The following TLL2 variants were observed in gnomAD, a reference collection of about 807,000 sequenced individuals.
TLL2 encodes tolloid like 2, also known as tolloid-like protein 2.
In TLL2, 106 loss-of-function variants were observed where a neutral mutation model predicts 123.0. That is an observed-to-expected ratio of 0.86 (90% CI 0.74 to 1.01). The LOEUF (loss-of-function observed/expected upper bound fraction) is 1.01, where lower values mean the gene tolerates loss of function less well. Ranked by LOEUF, TLL2 falls within the 50% of genes least tolerant of loss-of-function variation. The pLI is 0.00. For missense variants in TLL2, 1,332 were observed against 1,336.7 expected (o/e 1.00, Z 0.06); for synonymous variants, 494 against 516.8 (o/e 0.96, Z 0.60).
intron 15 of TLL2, 82 bp from the exon 16 acceptor site, chr10:96,384,849 G>A: frequency 7.3e-7 from 1 of 1,375,228 alleles, no homozygotes; most frequent in Admixed American, 2.5e-5. Context: ...CCTGCTTCCT[G>A]AGCGCCTCAC....
At chr10:96,495,910 T>C (rs566991791) in intron 1 of TLL2, among the ~76,000 whole-genome samples, 1 of 152,254 alleles carries the variant, frequency 6.6e-6, no homozygotes, top group South Asian at 2.1e-4. Flanking sequence ...AATGTTTTAA[T>C]GGGATCAAAC....
intron 10 of TLL2, 120 bp downstream of exon 10, chr10:96,405,112 A>G (rs987972449): frequency 1.1e-6 from 1 of 873,680 alleles, no homozygotes; most frequent in Non-Finnish European, 1.9e-6. Context: ...AGAGTTTTAC[A>G]ATGACAGAGG....
intron 3 of TLL2, among the ~76,000 whole-genome samples, chr10:96,434,429 G>A (rs1013163772): frequency 6.6e-6 from 1 of 152,102 alleles, no homozygotes; most frequent in Non-Finnish European, 1.5e-5. Context: ...ACATTTCCTA[G>A]AGATGGAATC....
intron 13 of TLL2, among the ~76,000 whole-genome samples, chr10:96,388,317 C>G (rs1471933932): frequency 6.6e-6 from 1 of 152,134 alleles, no homozygotes; most frequent in Non-Finnish European, 1.5e-5. Context: ...AGGAGAATCG[C>G]TTGCACCTGG....
rs939532446 is a variant in TLL2, at chr10:96,455,881, T to C, written c.287-9713A>G. Among the ~76,000 whole-genome samples the C allele has an allele frequency of 2.6e-5, 4 of 152,236 alleles. No individual in the cohort carries two copies. The South Asian group carries it at 8.3e-4, about 31-fold the overall frequency. On this transcript the variant is annotated intron_variant, in intron 2 of 20. Coordinates refer to ENST00000357947, the MANE Select transcript of TLL2 (RefSeq NM_012465.4). Reference sequence around the variant, plus strand: ...TTGTGCAAGATCCAAGAACCCTCTCTTGGGGTCTGGATCGGCACCCCTTTC... The same window carrying C: ...TTGTGCAAGATCCAAGAACCCTCTCCTGGGGTCTGGATCGGCACCCCTTTC...
At chr10:96,470,384 T>C (rs1407387115) in intron 2 of TLL2, among the ~76,000 whole-genome samples, 2 of 152,210 alleles carry the variant, frequency 1.3e-5, no homozygotes, top group African/African-American at 4.8e-5. Context: ...TTCACACGTG[T>C]TTGTCTGACA....
intron 1 of TLL2, among the ~76,000 whole-genome samples, chr10:96,495,833 AT>A (rs1373974049): frequency 2.6e-5 from 4 of 152,208 alleles, no homozygotes; most frequent in African/African-American, 9.6e-5. Flanking sequence ...GCCTGGGGAG[AT>A]GGCCTTCTCC....
chr10:96,489,567 C>T (rs551017266), intron 1 of TLL2, among the ~76,000 whole-genome samples: 8 of 152,110 alleles, frequency 5.3e-5, no homozygotes, highest in Admixed American at 2.6e-4. Context: ...AGAAAGAAAG[C>T]GATCCCATCA....
intron 4 of TLL2, among the ~76,000 whole-genome samples, chr10:96,432,534 C>T (rs1564906239): frequency 1.3e-5 from 2 of 152,242 alleles, no homozygotes; most frequent in East Asian, 3.9e-4. Context: ...TCATGCAAAC[C>T]CCACTTATCC....
intron 19 of TLL2, among the ~76,000 whole-genome samples, chr10:96,371,050 A>G (rs961010287): frequency 6.6e-6 from 1 of 152,180 alleles, no homozygotes; most frequent in East Asian, 1.9e-4. Flanking sequence ...GGCCGGGCGC[A>G]GTGGCTCATG....
chr10:96,455,982 A>C (rs1026957957), intron 2 of TLL2, among the ~76,000 whole-genome samples: 2 of 152,172 alleles, frequency 1.3e-5, no homozygotes, highest in Non-Finnish European at 2.9e-5. Flanking sequence ...GTTATTTTGT[A>C]TGTGCCAAGG....
chr10:96,467,741 T>A (rs1424019966), intron 2 of TLL2, among the ~76,000 whole-genome samples: 1 of 152,084 alleles, frequency 6.6e-6, no homozygotes, highest in Non-Finnish European at 1.5e-5. Flanking sequence ...CTCCATTCAA[T>A]AAATACAAAC....
At chr10:96,423,555 C>T (rs909968635) in intron 5 of TLL2, among the ~76,000 whole-genome samples, 11 of 152,102 alleles carry the variant, frequency 7.2e-5, no homozygotes, top group Non-Finnish European at 1.0e-4. Flanking sequence ...ATGTACATCT[C>T]GGCTGTAACT....
At position 96,432,810 on chromosome 10, in the gene TLL2, T is replaced by C. The variant is rs1374590516; in HGVS notation, c.517A>G (p.Thr173Ala). The C allele has an allele frequency of 6.2e-7, 1 of 1,613,704 alleles. No homozygotes were observed. The highest frequency in any genetic ancestry group is 8.5e-7 in the Non-Finnish European group (1 of 1,179,794). The change falls in exon 4 of 21, where the codon ACT (threonine) becomes GCT (alanine). Residue 173 changes from threonine (T) to alanine (A), a missense_variant. Thr to Ala is a moderately conservative substitution (Grantham distance 58). Transcript: ENST00000357947. ...VIPYVIGGNF[T>A]GSQRAIFKQA... ...GACCTTGTCTGTGGCTACTGACCAG[T>C]GAAGTTCCCTCCAATGACGTAGGGG... is the stretch of plus-strand genomic sequence containing the variant.
Position 96,446,182 on chromosome 10 carries a change from GAAGA to G in TLL2, c.287-18_287-15del. 1 of 1,613,802 alleles carries G rather than the reference GAAGA, an allele frequency of 6.2e-7. No homozygotes were observed. Among genetic ancestry groups the G allele is most frequent in the Non-Finnish European group, 8.5e-7 (1 of 1,179,792 alleles). On this transcript the variant is annotated splice_polypyrimidine_tract_variant and intron_variant, in intron 2 of 20. Transcript: ENST00000357947. ...CTTCAAGCCCACCTAGAGGAATGGA[GAAGA>G]AAGAGGCATGAGGACACATCAGCCT... is the stretch of plus-strand genomic sequence containing the variant.
In TLL2 at chr10:96,433,542, G is replaced by A. The variant is rs7067562; in HGVS notation, c.365-580C>T. 5.7e-3 allele frequency among the ~76,000 whole-genome samples: 875 copies of A among 152,204 alleles called. 7 individuals are homozygous for A. Among genetic ancestry groups the A allele is most frequent in the African/African-American group, 0.02 (838 of 41,528 alleles). ...GTTCGATGGAAGGTTCTGAGTCCAC[G>A]CGTTGGGCCTCCCACAATGGCAGAG... On this transcript the variant is annotated intron_variant, in intron 3 of 20. Transcript: ENST00000357947.
At chr10:96,422,753 T>C (rs1460084935) in intron 5 of TLL2, 26 bp from the exon 6 acceptor site, 1 of 1,613,494 alleles carries the variant, frequency 6.2e-7, no homozygotes. Flanking sequence ...AATACCCAGG[T>C]CAGCAGGTCA....
intron 10 of TLL2, among the ~76,000 whole-genome samples, chr10:96,402,922 A>T (rs1268535260): frequency 6.6e-6 from 1 of 151,894 alleles, no homozygotes; most frequent in East Asian, 1.9e-4. Context: ...CTTCTTTCCT[A>T]TCTCCATCTT....
chr10:96,373,641 C>G lies in TLL2; in HGVS notation c.2617G>C (p.Asp873His), dbSNP rs779182843. Residue 873 changes from aspartate (D) to histidine (H), a missense_variant, in exon 19 of 21, where the codon GAT becomes CAT. Asp to His is a moderately conservative substitution (Grantham distance 81). Transcript: ENST00000357947. ...AAGCCTTTCCTCTGCACTGAGGCAT[C>G]CGAATAAAACCTGAGAAACATACTG... ...GSSMFLRFYS[D>H]ASVQRKGFQA... The G allele has an allele frequency of 6.2e-7, 1 of 1,614,248 alleles. No homozygotes were observed. Among genetic ancestry groups the G allele is most frequent in the South Asian group, 1.1e-5 (1 of 91,074 alleles).
Sources: gnomAD v4.1 joint callset for allele counts (sites outside exome capture counted in the v4.1 genomes callset) on GRCh38, gnomAD v4.1.1 for gene constraint, MANE v1.5 for transcripts, NCBI Gene and HGNC (gene_info 2026-07-23, HGNC 2026-07-21) for gene names.